Variants in MAGI1 observed in about 807,000 individuals in gnomAD.
MAGI1 encodes the protein membrane associated guanylate kinase, WW and PDZ domain containing 1, also known as membrane-associated guanylate kinase, WW and PDZ domain-containing protein 1.
A neutral mutation model predicts 139.9 loss-of-function variants in MAGI1; 58 were observed. The observed-to-expected ratio is 0.41, with a 90% CI of 0.34 to 0.52. The LOEUF (loss-of-function observed/expected upper bound fraction) is 0.52, where lower values mean the gene tolerates loss of function less well. Among genes scored for constraint, MAGI1 ranks in the 20% least tolerant of loss-of-function variants. MAGI1 has a pLI of 0.12. For missense variants in MAGI1, 1,874 were observed against 1,901.6 expected, an observed-to-expected ratio of 0.99 and a Z score of 0.27; for synonymous variants, 812 against 737.9, an observed-to-expected ratio of 1.10 and a Z score of -1.63.
intron 1 of MAGI1, among the ~76,000 whole-genome samples, chr3:65,821,839 G>A (rs1158137399): frequency 1.3e-5 from 2 of 152,204 alleles, no homozygotes; most frequent in African/African-American, 4.8e-5. Context: ...AGAGTGAGAT[G>A]TCAGTGATGA....
In MAGI1 at chr3:65,911,190, A is replaced by C. The variant is rs1401950814; in HGVS notation, c.313+126806T>G. Among the ~76,000 whole-genome samples the C allele has an allele frequency of 2.6e-5, 4 of 151,734 alleles. No individual in the cohort carries two copies. In the East Asian group the frequency reaches 7.8e-4, roughly 29 times the overall value. ...GGTGGACTTTTGCTATCCAACATCT[A>C]TTTTCCCCATTTCTGATAGAAGCAA... is the stretch of plus-strand genomic sequence containing the variant. On this transcript the variant is annotated intron_variant, in intron 1 of 22. Coordinates refer to ENST00000402939, the MANE Select transcript of MAGI1 (RefSeq NM_001033057.2).
chr3:65,430,285 T>C, intron 11 of MAGI1, 145 bp from the exon 12 acceptor site: 1 of 761,326 alleles, frequency 1.3e-6, no homozygotes, highest in East Asian at 2.7e-5. Context: ...CTATTACTGA[T>C]TTTAACAGCT....
intron 1 of MAGI1, among the ~76,000 whole-genome samples, chr3:65,862,494 G>C (rs1393358800): frequency 6.6e-6 from 1 of 152,112 alleles, no homozygotes; most frequent in African/African-American, 2.4e-5. Context: ...CAGCAGCACA[G>C]CAGGATCTAC....
intron 1 of MAGI1, among the ~76,000 whole-genome samples, chr3:65,925,826 C>A (rs550383132): frequency 6.6e-6 from 1 of 152,094 alleles, no homozygotes; most frequent in Admixed American, 6.5e-5. Flanking sequence ...ACTACAGTCA[C>A]GAGCCACCAC....
intron 1 of MAGI1, among the ~76,000 whole-genome samples, chr3:65,798,234 A>C (rs1367673080): frequency 6.6e-6 from 1 of 151,748 alleles, no homozygotes; most frequent in Non-Finnish European, 1.5e-5. Flanking sequence ...AACCCGGGAG[A>C]CGGAGCTTGC....
At chr3:65,806,128 A>T (rs535242991) in intron 1 of MAGI1, among the ~76,000 whole-genome samples, 9 of 152,176 alleles carry the variant, frequency 5.9e-5, no homozygotes, top group South Asian at 2.1e-4. Flanking sequence ...AAAATTAAAA[A>T]TTTTTTTCAA....
rs945804195 is a variant in MAGI1 at position 65,767,566 on chromosome 3, A to T, written c.314-145478T>A. Among the ~76,000 whole-genome samples the T allele has an allele frequency of 3.9e-5, 6 of 152,362 alleles. 1 individual carries two copies. In the South Asian group the frequency reaches 1.2e-3, roughly 32 times the overall value. On this transcript the variant is annotated intron_variant, in intron 1 of 22. Transcript: ENST00000402939. ...TATAGTATTTAGAAAGCTCAAAGACATTCATCCTTCCCTCAAGAAAGAACT... is the reference window on the plus strand; with the variant it reads ...TATAGTATTTAGAAAGCTCAAAGACTTTCATCCTTCCCTCAAGAAAGAACT...
intron 3 of MAGI1, among the ~76,000 whole-genome samples, chr3:65,485,405 C>T (rs192278358): frequency 2.0e-5 from 3 of 152,270 alleles, no homozygotes; most frequent in Admixed American, 1.3e-4. Flanking sequence ...AAGAGTTTTA[C>T]GACCCTGAGT....
chr3:65,730,212 A>G (rs2034047437), intron 1 of MAGI1, among the ~76,000 whole-genome samples: 1 of 152,172 alleles, frequency 6.6e-6, no homozygotes, highest in African/African-American at 2.4e-5. Flanking sequence ...TTGCATTAAG[A>G]GTAGCTTAAA....
At chr3:65,502,315 C>T (rs1290685359) in intron 2 of MAGI1, among the ~76,000 whole-genome samples, 1 of 152,180 alleles carries the variant, frequency 6.6e-6, no homozygotes, top group Admixed American at 6.5e-5. Flanking sequence ...CTGAATTATC[C>T]TATTATCACA....
intron 1 of MAGI1, among the ~76,000 whole-genome samples, chr3:65,804,809 C>T (rs2040743777): frequency 6.6e-6 from 1 of 152,118 alleles, no homozygotes; most frequent in Admixed American, 6.6e-5. Flanking sequence ...TGATCTTTGA[C>T]AAACCGGACA....
intron 2 of MAGI1, among the ~76,000 whole-genome samples, chr3:65,571,495 C>T (rs2080958481): frequency 6.6e-6 from 1 of 151,998 alleles, no homozygotes; most frequent in Admixed American, 6.6e-5. Flanking sequence ...ACAAGTCTTA[C>T]TACTTAATGA....
rs760223453 is a variant in MAGI1, at chr3:65,530,822, C to CGT, written c.431-37193_431-37192dup. ...ATATATATACACACATATATATACA[C>CGT]GTATATATATATATATACACACACA... On this transcript the variant is annotated intron_variant, in intron 2 of 22. Coordinates refer to ENST00000402939, the MANE Select transcript of MAGI1 (RefSeq NM_001033057.2). 1.2e-4 allele frequency among the ~76,000 whole-genome samples: 5 copies of CGT among 43,150 alleles called. No individual in the cohort carries two copies. In the South Asian group the frequency reaches 2.4e-3, roughly 20 times the overall value. 28.3% of individuals were successfully genotyped at this position (43,150 alleles called of 152,430 possible).
intron 1 of MAGI1, among the ~76,000 whole-genome samples, chr3:65,622,752 C>G (rs2083753220): frequency 6.6e-6 from 1 of 151,962 alleles, no homozygotes; most frequent in Non-Finnish European, 1.5e-5. Context: ...TTAGTAAAGA[C>G]AGGGCTTCAG....
chr3:65,950,890 A>C (rs1282578375), intron 1 of MAGI1, among the ~76,000 whole-genome samples: 17 of 152,018 alleles, frequency 1.1e-4, no homozygotes, highest in Non-Finnish European at 7.4e-5. Context: ...TCCCTGGGCC[A>C]CATTAAAAGA....
chr3:65,587,479 CTTTTTTTTTT>C (rs755825684), intron 2 of MAGI1, among the ~76,000 whole-genome samples: 3 of 109,520 alleles, frequency 2.7e-5, no homozygotes, highest in African/African-American at 7.8e-5. Context: ...TTACTTTTTT[CTTTTTTTTTT>C]TTTTTTTTTT....
chr3:65,840,786 G>C (rs892728669), intron 1 of MAGI1, among the ~76,000 whole-genome samples: 1 of 151,986 alleles, frequency 6.6e-6, no homozygotes, highest in African/African-American at 2.4e-5. Context: ...TTTGATATCG[G>C]GATAAAACTA....
chr3:65,955,776 G>A (rs2064095507), intron 1 of MAGI1, among the ~76,000 whole-genome samples: 1 of 151,968 alleles, frequency 6.6e-6, no homozygotes, highest in African/African-American at 2.4e-5. Context: ...CTTCTACAAT[G>A]CCACCATCAG....
chr3:65,565,728 A>C (rs2080586725), intron 2 of MAGI1, among the ~76,000 whole-genome samples: 1 of 151,696 alleles, frequency 6.6e-6, no homozygotes, highest in Non-Finnish European at 1.5e-5. Context: ...GTGGTGGTGC[A>C]CACCTATAAT....
Sources: gnomAD v4.1 joint callset for allele counts (sites outside exome capture counted in the v4.1 genomes callset) on GRCh38, gnomAD v4.1.1 for gene constraint, MANE v1.5 for transcripts, NCBI Gene and HGNC (gene_info 2026-07-23, HGNC 2026-07-21) for gene names.